RBFOX1: variants seen among roughly 807,000 people sequenced by gnomAD.
The protein encoded by RBFOX1 is RNA binding protein fox-1 homolog 1.
RBFOX1 carries 8 observed loss-of-function variants against 57.7 expected under a neutral mutation model. The observed-to-expected ratio is 0.14, with a 90% CI of 0.08 to 0.25. The LOEUF is 0.25. Among genes scored for constraint, RBFOX1 ranks in the 10% least tolerant of loss-of-function variants. RBFOX1 has a pLI of 1.00. For synonymous variants in RBFOX1, 326 were observed against 222.4 expected (o/e 1.47, Z -4.15); for missense variants, 611 against 548.5 (o/e 1.11, Z -1.14).
At chr16:6,149,585 TTA>T (rs1259408462) in intron 1 of RBFOX1, among the ~76,000 whole-genome samples, 1 of 152,202 alleles carries the variant, frequency 6.6e-6, no homozygotes, top group African/African-American at 2.4e-5. Flanking sequence ...TGAGCATCCC[TTA>T]GATGAGGCAG....
At chr16:7,660,574 T>C (rs1411083545) in intron 12 of RBFOX1, among the ~76,000 whole-genome samples, 1 of 152,230 alleles carries the variant, frequency 6.6e-6, no homozygotes, top group Non-Finnish European at 1.5e-5. Context: ...AACCAGCTCC[T>C]CCATTAGAAT....
chr16:6,499,210 A>G (rs1362490700), intron 2 of RBFOX1, among the ~76,000 whole-genome samples: 1 of 152,140 alleles, frequency 6.6e-6, no homozygotes, highest in African/African-American at 2.4e-5. Flanking sequence ...GGTTGTTAGG[A>G]CATGATTTTC....
At chr16:6,654,036 A>C (rs773639316) in intron 2 of RBFOX1, among the ~76,000 whole-genome samples, 2 of 151,362 alleles carry the variant, frequency 1.3e-5, no homozygotes, top group Non-Finnish European at 2.9e-5. Context: ...CAATGAATGG[A>C]TAGATGGGTG....
chr16:5,301,438 T>C (rs1186362520), intron 1 of RBFOX1, among the ~76,000 whole-genome samples: 1 of 151,852 alleles, frequency 6.6e-6, no homozygotes, highest in African/African-American at 2.4e-5. Context: ...GCTAACACGG[T>C]GAAACCCCAT....
chr16:7,508,643 T>A (rs1230520442), intron 4 of RBFOX1, among the ~76,000 whole-genome samples: 1 of 152,150 alleles, frequency 6.6e-6, no homozygotes, highest in Admixed American at 6.5e-5. Flanking sequence ...GCACAAATAC[T>A]ATGTATCCAG....
At chr16:6,746,531 G>A (rs1420839819) in intron 3 of RBFOX1, among the ~76,000 whole-genome samples, 2 of 151,876 alleles carry the variant, frequency 1.3e-5, no homozygotes, top group Admixed American at 6.6e-5. Flanking sequence ...ACAAAAAATT[G>A]CCGGGCATGA....
At chr16:6,923,480 C>G (rs530544333) in intron 3 of RBFOX1, among the ~76,000 whole-genome samples, 1 of 152,194 alleles carries the variant, frequency 6.6e-6, no homozygotes, top group East Asian at 1.9e-4. Context: ...AGGCAGTGAG[C>G]CAATATCACA....
At position 5,370,234 on chromosome 16, in the gene RBFOX1, G is replaced by C. The variant is rs59134065; in HGVS notation, c.220-96982G>C. On this transcript the variant is annotated intron_variant, in intron 1 of 2. Coordinates refer to the RBFOX1 transcript ENST00000585867. Reference sequence around the variant, plus strand: ...TTCTGCAGAACCCAATGGTGGGTCAGCTGTGTTCTTGGCATTGAAAGCACA... The same window carrying C: ...TTCTGCAGAACCCAATGGTGGGTCACCTGTGTTCTTGGCATTGAAAGCACA... Among the ~76,000 whole-genome samples, 792 of 152,274 alleles carry C rather than the reference G, an allele frequency of 5.2e-3. 8 individuals carry two copies. Among genetic ancestry groups the C allele is most frequent in the African/African-American group, 0.018 (765 of 41,540 alleles).
intron 1 of RBFOX1, among the ~76,000 whole-genome samples, chr16:6,133,029 T>G (rs1412124893): frequency 3.2e-5 from 4 of 125,602 alleles, no homozygotes; most frequent in Non-Finnish European, 5.1e-5. Context: ...CTGTGCATTA[T>G]GTTGTGTAAT....
chr16:7,375,481 G>A (rs7193155), intron 4 of RBFOX1, among the ~76,000 whole-genome samples: 118,199 of 151,800 alleles, frequency 0.78, 46,783 homozygotes, highest in African/African-American at 0.93. Flanking sequence ...GGGCTCCCAT[G>A]TGTTACGAGA....
intron 3 of RBFOX1, among the ~76,000 whole-genome samples, chr16:6,988,731 A>ATTTTTTTTTTTTTTTT (rs111959126): frequency 3.3e-5 from 3 of 91,322 alleles, no homozygotes; most frequent in African/African-American, 1.1e-4. Flanking sequence ...CACCCAGCTA[A>ATTTTTTTTTTTTTTTT]TTTTTTTTTT....
At chr16:5,410,989 C>G (rs188033563) in intron 1 of RBFOX1, among the ~76,000 whole-genome samples, 1 of 152,302 alleles carries the variant, frequency 6.6e-6, no homozygotes, top group African/African-American at 2.4e-5. Context: ...TTAGGCGGGC[C>G]AACACAACAA....
intron 2 of RBFOX1, among the ~76,000 whole-genome samples, chr16:6,653,637 A>T (rs1023433938): frequency 6.6e-6 from 1 of 151,758 alleles, no homozygotes; most frequent in South Asian, 2.1e-4. Context: ...GGATGGATGG[A>T]TGAATGGATG....
chr16:6,623,634 C>A (rs142904747), intron 2 of RBFOX1, among the ~76,000 whole-genome samples: 1,820 of 151,986 alleles, frequency 0.012, 42 homozygotes, highest in African/African-American at 0.041. Context: ...CTAATGTTCC[C>A]CTTCCTGTGT....
intron 1 of RBFOX1, among the ~76,000 whole-genome samples, chr16:5,436,464 A>T (rs574146799): frequency 6.6e-6 from 1 of 152,212 alleles, no homozygotes; most frequent in East Asian, 1.9e-4. Context: ...ATTACTAAGA[A>T]GTACTTCTCT....
chr16:6,798,597 CAT>C (rs2084641634), intron 3 of RBFOX1, among the ~76,000 whole-genome samples: 1 of 152,202 alleles, frequency 6.6e-6, no homozygotes, highest in African/African-American at 2.4e-5. Context: ...TTCAAAGACA[CAT>C]ATATCTGTGC....
chr16:5,268,547 C>T (rs1012764298), intron 1 of RBFOX1, among the ~76,000 whole-genome samples: 1 of 152,252 alleles, frequency 6.6e-6, no homozygotes, highest in Non-Finnish European at 1.5e-5. Flanking sequence ...GTCCAATCCA[C>T]ACTTCTTCCT....
chr16:7,527,779 A>C (rs910527983), intron 5 of RBFOX1, among the ~76,000 whole-genome samples: 1 of 152,198 alleles, frequency 6.6e-6, no homozygotes, highest in Admixed American at 6.5e-5. Flanking sequence ...CAGATCGACC[A>C]TCCTAATTAT....
intron 4 of RBFOX1, among the ~76,000 whole-genome samples, chr16:6,003,929 C>A (rs2014475): frequency 0.54 from 82,587 of 152,072 alleles, 22,738 homozygotes; most frequent in Non-Finnish European, 0.6. Context: ...TCTATGAAGT[C>A]TCCTGACTTT....
Sources: allele counts gnomAD v4.1 joint callset (sites outside exome capture counted in the v4.1 genomes callset), GRCh38; gene constraint gnomAD v4.1.1; transcripts MANE v1.5; gene names NCBI Gene and HGNC (gene_info 2026-07-23, HGNC 2026-07-21).